The following CLU variants were observed in gnomAD, a reference collection of about 807,000 sequenced individuals.
The protein encoded by CLU is clusterin.
CLU carries 25 observed loss-of-function variants against 46.4 expected under a neutral mutation model. The observed-to-expected ratio is 0.54, with a 90% CI of 0.39 to 0.75. The LOEUF (loss-of-function observed/expected upper bound fraction) is 0.75. CLU is among the 30% of genes least tolerant of loss of function. CLU has a pLI of 0.00. For missense variants in CLU, 504 were observed against 592.1 expected, an observed-to-expected ratio of 0.85 and a Z score of 1.54; for synonymous variants, 235 against 235.1, an observed-to-expected ratio of 1.00 and a Z score of 0.00.
At chr8:27,601,192 G>T (rs1284407042) in intron 6 of CLU, among the ~76,000 whole-genome samples, 1 of 152,228 alleles carries the variant, frequency 6.6e-6, no homozygotes, top group Non-Finnish European at 1.5e-5. Flanking sequence ...GGGATTACAG[G>T]TGCCTGCCAC....
At chr8:27,611,026 A>G (rs1197457999) in intron 1 of CLU, 2 of 373,878 alleles carry the variant, frequency 5.3e-6, no homozygotes, top group African/African-American at 4.2e-5. Context: ...TGCCACCTCC[A>G]CAGAGGGACT....
chr8:27,604,183 C>G (rs1446505331), intron 6 of CLU, 108 bp downstream of exon 6: 1 of 871,090 alleles, frequency 1.1e-6, no homozygotes. Context: ...GAGCTGGAAT[C>G]CAAACGCTTA....
At chr8:27,611,713 C>T (rs1203867463) in intron 1 of CLU, 1 of 457,824 alleles carries the variant, frequency 2.2e-6, no homozygotes, top group Admixed American at 2.3e-5. Flanking sequence ...AGCACATTAA[C>T]AAGGAGTGCC....
Position 27,598,582 on chromosome 8 carries a change from G to C in CLU, c.1218C>G (p.Val406=). 6.2e-7 allele frequency: 1 copy of C among 1,614,140 alleles called. No homozygotes were observed. Among genetic ancestry groups the C allele is most frequent in the Non-Finnish European group, 8.5e-7 (1 of 1,180,018 alleles). ...SDVPSGVTEV[V]VKLFDSDPIT... The stretch of plus-strand genomic sequence containing the variant: ...TGGGATCAGAGTCAAAGAGCTTCAC[G>C]ACCACCTCAGTGACACCGGAAGGAA... Residue 406 remains valine (V), a synonymous_variant, in exon 8 of 9, where the codon GTC becomes GTG. Coordinates refer to ENST00000316403, the MANE Select transcript of CLU (RefSeq NM_001831.4).
At position 27,597,709 on chromosome 8, in the gene CLU, A is replaced by G. The variant is rs1161324438; in HGVS notation, c.*532T>C. 4.4e-6 allele frequency: 2 copies of G among 454,150 alleles called. No homozygotes were observed. Among genetic ancestry groups the G allele is most frequent in the Non-Finnish European group, 8.8e-6 (2 of 226,912 alleles). 28.1% of individuals were successfully genotyped at this position (454,150 alleles called of 1,614,324 possible). ...TTGGTCAGAATACATCGACAGTTTT[A>G]TAATAGAACAGAAAAGCTTCCATTT... is the stretch of plus-strand genomic sequence containing the variant. On this transcript the variant is annotated 3_prime_UTR_variant, in exon 9 of 9. Coordinates refer to ENST00000316403, the MANE Select transcript of CLU (RefSeq NM_001831.4).
At chr8:27,610,388 A>G (rs539245243) in intron 2 of CLU, 87 bp downstream of exon 2, 1 of 1,082,950 alleles carries the variant, frequency 9.2e-7, no homozygotes, top group African/African-American at 1.6e-5. Context: ...CTGGGGCCTG[A>G]TAGAGAGGCA....
rs962312477 is a variant in CLU at position 27,598,546 on chromosome 8, C to G, written c.1254G>C (p.Thr418=). 1 of 1,613,962 alleles carries G rather than the reference C, an allele frequency of 6.2e-7. No homozygotes were observed. Among genetic ancestry groups the G allele is most frequent in the African/African-American group, 1.3e-5 (1 of 74,922 alleles). The part of the protein sequence containing the change: ...KLFDSDPITV[T]VPVEVSRKNP... ...TCTTCCTGGAGACTTCTACAGGGAC[C>G]GTCACAGTGATGGGATCAGAGTCAA... Residue 418 remains threonine (T), a synonymous_variant, in exon 8 of 9, where the codon ACG becomes ACC. Coordinates refer to ENST00000316403, the MANE Select transcript of CLU (RefSeq NM_001831.4).
chr8:27,614,605 C>T (rs1432786441), intron 1 of CLU, 50 bp downstream of exon 1: 1 of 470,996 alleles, frequency 2.1e-6, no homozygotes, highest in Non-Finnish European at 4.4e-6. Context: ...GCCCGCCCAT[C>T]CGTCCTGGTG....
chr8:27,598,771 C>T (rs769796731), intron 7 of CLU, 136 bp from the exon 8 acceptor site: 4 of 793,142 alleles, frequency 5.0e-6, no homozygotes, highest in Non-Finnish European at 8.5e-6. Flanking sequence ...CCCCATGCTT[C>T]TTATACATCT....
chr8:27,604,179 G>C, intron 6 of CLU, 112 bp downstream of exon 6: 1 of 837,770 alleles, frequency 1.2e-6, no homozygotes. Context: ...TGCAGAGCTG[G>C]AATCCAAACG....
intron 1 of CLU, 181 bp from the exon 2 acceptor site, chr8:27,610,781 G>A (rs1257188413): frequency 3.4e-6 from 2 of 587,920 alleles, no homozygotes; most frequent in Admixed American, 2.7e-5. Flanking sequence ...TGGACACCTC[G>A]AATGAAAGCG....
intron 1 of CLU, chr8:27,613,961 T>G (rs1800970773): frequency 6.6e-6 from 1 of 152,242 alleles, no homozygotes; most frequent in Non-Finnish European, 1.5e-5. Flanking sequence ...ATCCCAATTC[T>G]GATACTTATT....
At position 27,599,689 on chromosome 8, in the gene CLU, T is replaced by C. The variant is rs2132850935; in HGVS notation, c.1164+91A>G. On this transcript the variant is annotated intron_variant, in intron 7 of 8. Coordinates refer to ENST00000316403, the MANE Select transcript of CLU (RefSeq NM_001831.4). The surrounding 1 kb of genome is among the most constrained non-coding windows in gnomAD (Gnocchi z 4.0). ...CTAAAGTTTTCTATTTTCTGCCGTG[T>C]GATAAATGCTCAGTCAAAAGCACAC... 1.0e-6 allele frequency: 1 copy of C among 972,846 alleles called. No homozygotes were observed. The highest frequency in any genetic ancestry group is 2.6e-5 in the East Asian group (1 of 38,038). The allele number at this position is 972,846 out of a possible 1,614,324, so 60.3% of individuals were successfully genotyped here. A position where few individuals can be genotyped will look rare whatever the true frequency, so the allele number is the denominator to read the frequency against.
At position 27,597,073 on chromosome 8, in the gene CLU, T is replaced by C; in HGVS notation, c.*1168A>G. 1 of 454,154 alleles carries C rather than the reference T, an allele frequency of 2.2e-6. No individual in the cohort carries two copies. Among genetic ancestry groups the C allele is most frequent in the Non-Finnish European group, 4.4e-6 (1 of 226,800 alleles). The allele number at this position is 454,154 out of a possible 1,614,324, so 28.1% of individuals were successfully genotyped here. Reference sequence around the variant, plus strand: ...CTCTGAATTTCCTTGACAGCCATGCTAAAATACTTACCTTGGACATAAGCT... The same window carrying C: ...CTCTGAATTTCCTTGACAGCCATGCCAAAATACTTACCTTGGACATAAGCT... On this transcript the variant is annotated 3_prime_UTR_variant, in exon 9 of 9. Coordinates refer to ENST00000316403, the MANE Select transcript of CLU (RefSeq NM_001831.4).
Position 27,598,150 on chromosome 8 carries a change from G to A in CLU, c.*91C>T. The A allele has an allele frequency of 3.7e-6, 5 of 1,367,260 alleles. No individual in the cohort carries two copies. The highest frequency in any genetic ancestry group is 4.2e-6 in the Non-Finnish European group (4 of 962,572). 84.7% of individuals were successfully genotyped at this position (1,367,260 alleles called of 1,614,324 possible). On this transcript the variant is annotated 3_prime_UTR_variant, in exon 9 of 9. Transcript: ENST00000316403. Reference sequence around the variant, plus strand: ...GGAGGCTGGGGCCTGGTTACTTGGTGACGTGCAGAGCTCTCTCTGGGGGGC... The same window carrying A: ...GGAGGCTGGGGCCTGGTTACTTGGTAACGTGCAGAGCTCTCTCTGGGGGGC...
intron 1 of CLU, among the ~76,000 whole-genome samples, chr8:27,612,981 G>A (rs372851121): frequency 8.0e-5 from 11 of 137,458 alleles, no homozygotes; most frequent in East Asian, 7.9e-4. Context: ...GGGGGCGGGG[G>A]GAGCAGGCAG....
Position 27,610,289 on chromosome 8 carries a change from C to T in CLU, c.97+186G>A, listed in dbSNP as rs558646472. 4.6e-5 allele frequency among the ~76,000 whole-genome samples: 7 copies of T among 152,256 alleles called. 1 individual carries two copies. The Middle Eastern group carries it at 0.017, about 370-fold the overall frequency. On this transcript the variant is annotated intron_variant, in intron 2 of 8. Coordinates refer to ENST00000316403, the MANE Select transcript of CLU (RefSeq NM_001831.4). ...GCCGGCAGTCTGATGCACGCAGAGC[C>T]TGAACCAGGGGCCTCGGAGCTGAGG...
At chr8:27,610,837 G>A (rs1800913905) in intron 1 of CLU, 1 of 503,016 alleles carries the variant, frequency 2.0e-6, no homozygotes, top group South Asian at 2.1e-5. Flanking sequence ...CAGCAATGTT[G>A]AGTGGAAGAA....
intron 1 of CLU, chr8:27,613,718 C>A (rs1198188618): frequency 6.6e-6 from 1 of 152,166 alleles, no homozygotes; most frequent in African/African-American, 2.4e-5. Context: ...ATGTAATACT[C>A]CACTTACTCA....
Sources: gnomAD v4.1 joint callset for allele counts (sites outside exome capture counted in the v4.1 genomes callset) on GRCh38, gnomAD v4.1.1 for gene constraint, Gnocchi (gnomAD v3.1) non-coding constraint, MANE v1.5 for transcripts, NCBI Gene and HGNC (gene_info 2026-07-23, HGNC 2026-07-21) for gene names.